The following RAD51B variants were observed in gnomAD, a reference collection of about 807,000 sequenced individuals.
The protein encoded by RAD51B is RAD51 paralog B.
In RAD51B, 38 loss-of-function variants were observed where a neutral mutation model predicts 42.2. That is an observed-to-expected ratio of 0.90 (90% CI 0.70 to 1.18). RAD51B has a LOEUF of 1.18. Ranked by LOEUF, RAD51B falls within the 50% of genes most tolerant of loss-of-function variation. RAD51B has a pLI of 0.00. For synonymous variants in RAD51B, 154 were observed against 145.2 expected, an observed-to-expected ratio of 1.06 and a Z score of -0.43; for missense variants, 373 against 400.7, an observed-to-expected ratio of 0.93 and a Z score of 0.59.
At chr14:68,457,773 A>ATTTTTTTTTT (rs771439291) in intron 9 of RAD51B, among the ~76,000 whole-genome samples, 2 of 106,764 alleles carry the variant, frequency 1.9e-5, no homozygotes, top group Non-Finnish European at 3.8e-5. Flanking sequence ...TAATTTTTGT[A>ATTTTTTTTTT]TTTTTTTTTT....
intron 9 of RAD51B, among the ~76,000 whole-genome samples, chr14:68,455,522 C>T (rs2085661810): frequency 6.6e-6 from 1 of 151,998 alleles, no homozygotes; most frequent in Admixed American, 6.6e-5. Context: ...TCAAGACCAT[C>T]CTGGCTAACA....
chr14:68,281,735 T>C (rs1052728827), intron 7 of RAD51B, among the ~76,000 whole-genome samples: 1 of 152,144 alleles, frequency 6.6e-6, no homozygotes, highest in African/African-American at 2.4e-5. Context: ...TACCTGAAAA[T>C]GAGGGAGAAA....
At chr14:67,974,820 T>TC (rs2074960822) in intron 7 of RAD51B, among the ~76,000 whole-genome samples, 1 of 152,230 alleles carries the variant, frequency 6.6e-6, no homozygotes, top group East Asian at 1.9e-4. Context: ...TTTTCTTGTA[T>TC]ATCTCTTATA....
At chr14:67,907,633 C>A (rs2043820501) in intron 7 of RAD51B, among the ~76,000 whole-genome samples, 1 of 151,880 alleles carries the variant, frequency 6.6e-6, no homozygotes, top group Non-Finnish European at 1.5e-5. Flanking sequence ...TTTTTTATGA[C>A]CCTGCCTCCG....
intron 7 of RAD51B, among the ~76,000 whole-genome samples, chr14:68,257,380 A>G (rs1177904501): frequency 6.6e-6 from 1 of 152,204 alleles, no homozygotes; most frequent in Non-Finnish European, 1.5e-5. Flanking sequence ...CAATTAAAAA[A>G]GCAATGGAAC....
chr14:68,011,975 T>C lies in RAD51B; in HGVS notation c.756+124771T>C, dbSNP rs183898630. Among the ~76,000 whole-genome samples the C allele has an allele frequency of 5.3e-4, 80 of 152,250 alleles. 1 individual carries two copies. In the Middle Eastern group the frequency reaches 0.024, roughly 45 times the overall value. ...TTTTATCAATCACACTGGGCTGTCA[T>C]GAATCTCAATAAACAAACACAGAGA... On this transcript the variant is annotated intron_variant, in intron 7 of 10. Transcript: ENST00000471583.
chr14:68,215,348 G>A (rs1404418119), intron 7 of RAD51B, among the ~76,000 whole-genome samples: 1 of 152,060 alleles, frequency 6.6e-6, no homozygotes, highest in Non-Finnish European at 1.5e-5. Flanking sequence ...ATCCTGTTTG[G>A]AAGGTGGAGA....
intron 7 of RAD51B, among the ~76,000 whole-genome samples, chr14:68,132,075 C>A (rs181709004): frequency 1.3e-5 from 2 of 152,310 alleles, no homozygotes; most frequent in African/African-American, 4.8e-5. Flanking sequence ...ACCTGGCAGT[C>A]ACATTCTTCT....
intron 10 of RAD51B, among the ~76,000 whole-genome samples, chr14:68,643,034 C>CAAT: frequency 1.1e-5 from 1 of 93,358 alleles, no homozygotes; most frequent in Admixed American, 9.9e-5. Flanking sequence ...GGTGAATGTT[C>CAAT]CATGTGTGCT....
intron 7 of RAD51B, among the ~76,000 whole-genome samples, chr14:68,004,726 T>C (rs1366228200): frequency 6.6e-6 from 1 of 152,168 alleles, no homozygotes; most frequent in South Asian, 2.1e-4. Context: ...AAATTACCAA[T>C]GTCCCAGAAG....
chr14:68,120,331 C>T (rs2077626475), intron 7 of RAD51B, among the ~76,000 whole-genome samples: 1 of 152,102 alleles, frequency 6.6e-6, no homozygotes, highest in African/African-American at 2.4e-5. Context: ...TAATTAGATC[C>T]CATTTGTCAA....
chr14:67,857,222 G>C (rs1346520794), intron 4 of RAD51B, among the ~76,000 whole-genome samples: 1 of 151,986 alleles, frequency 6.6e-6, no homozygotes, highest in African/African-American at 2.4e-5. Context: ...TTTGAGTCTA[G>C]GAAGAGATGA....
At chr14:68,344,904 G>GCC (rs1266517056) in intron 8 of RAD51B, among the ~76,000 whole-genome samples, 1 of 138,134 alleles carries the variant, frequency 7.2e-6, no homozygotes, top group Non-Finnish European at 1.5e-5. Flanking sequence ...CCGAGATCAT[G>GCC]CCACTGCACT....
chr14:68,549,894 C>T (rs1324443462), intron 10 of RAD51B, among the ~76,000 whole-genome samples: 1 of 152,296 alleles, frequency 6.6e-6, no homozygotes, highest in South Asian at 2.1e-4. Flanking sequence ...CTTAAAACTT[C>T]GGTCAGCTCT....
At chr14:67,980,570 G>A (rs1215784618) in intron 7 of RAD51B, among the ~76,000 whole-genome samples, 1 of 152,212 alleles carries the variant, frequency 6.6e-6, no homozygotes, top group Non-Finnish European at 1.5e-5. Context: ...GGAAAGAATG[G>A]AGAGTCCAGA....
chr14:68,039,574 T>C (rs1014569285), intron 7 of RAD51B, among the ~76,000 whole-genome samples: 18 of 152,154 alleles, frequency 1.2e-4, no homozygotes, highest in African/African-American at 4.3e-4. Flanking sequence ...CACAGACAAG[T>C]GAATGACTGA....
intron 8 of RAD51B, among the ~76,000 whole-genome samples, chr14:68,358,437 T>C (rs1367393050): frequency 1.3e-5 from 2 of 152,242 alleles, no homozygotes; most frequent in African/African-American, 4.8e-5. Flanking sequence ...TTGTATGTAT[T>C]GCAAAACTAC....
intron 7 of RAD51B, among the ~76,000 whole-genome samples, chr14:68,221,449 C>T (rs545471744): frequency 2.0e-4 from 30 of 152,196 alleles, no homozygotes; most frequent in African/African-American, 6.0e-4. Flanking sequence ...AAAAGGACAC[C>T]CTATTCAACA....
chr14:68,440,685 G>A (rs868250907), intron 9 of RAD51B, among the ~76,000 whole-genome samples: 3 of 152,164 alleles, frequency 2.0e-5, no homozygotes, highest in Middle Eastern at 3.4e-3. Flanking sequence ...GGTGGAGGTT[G>A]CAGTGAGGCA....
Sources: gnomAD v4.1 joint callset for allele counts (sites outside exome capture counted in the v4.1 genomes callset) on GRCh38, gnomAD v4.1.1 for gene constraint, MANE v1.5 for transcripts, NCBI Gene and HGNC (gene_info 2026-07-23, HGNC 2026-07-21) for gene names.